Variants in TRMT1L observed in about 807,000 individuals in gnomAD.
The protein encoded by TRMT1L is tRNA (guanine(27)-N(2))-dimethyltransferase.
Under a neutral mutation model 81.6 loss-of-function variants are expected in TRMT1L, and 28 were observed. That is an observed-to-expected ratio of 0.34 (90% confidence interval 0.25 to 0.47). The LOEUF is 0.47. Among genes scored for constraint, TRMT1L ranks in the 20% least tolerant of loss-of-function variants. The probability of loss-of-function intolerance (pLI) is 1.00; values close to 1 mark genes in which losing one functional copy is unlikely to be tolerated. For synonymous variants in TRMT1L, 301 were observed against 303.2 expected (o/e 0.99, Z 0.07); for missense variants, 739 against 877.1 (o/e 0.84, Z 1.99).
At chr1:185,127,862 C>T (rs531137171) in intron 11 of TRMT1L, among the ~76,000 whole-genome samples, 20 of 151,912 alleles carry the variant, frequency 1.3e-4, no homozygotes, top group South Asian at 4.2e-4. Context: ...ACCTGTAATC[C>T]TAGTACTTTG....
chr1:185,139,902 T>A, intron 8 of TRMT1L, 71 bp downstream of exon 8: 1 of 1,499,340 alleles, frequency 6.7e-7, no homozygotes, highest in South Asian at 1.4e-5. Flanking sequence ...CTGTCTTAAT[T>A]TTTAACTACT....
chr1:185,129,178 CTGAT>C lies in TRMT1L; in HGVS notation c.1514-435_1514-432del, dbSNP rs758050984. 3.9e-5 allele frequency among the ~76,000 whole-genome samples: 6 copies of C among 152,074 alleles called. No individual in the cohort carries two copies. In the South Asian group the frequency reaches 6.2e-4, roughly 16 times the overall value. On this transcript the variant is annotated intron_variant, in intron 10 of 14. Coordinates refer to ENST00000367506, the MANE Select transcript of TRMT1L (RefSeq NM_030934.5). ...CAAGAGATCCATATTTCAAAATTAACTGATTAAGGTATAATTTATGTGCAATAAA... is the reference window on the plus strand; with the variant it reads ...CAAGAGATCCATATTTCAAAATTAACTAAGGTATAATTTATGTGCAATAAA...
At chr1:185,137,829 C>A in intron 9 of TRMT1L, 33 bp from the exon 10 acceptor site, 1 of 1,602,352 alleles carries the variant, frequency 6.2e-7, no homozygotes, top group Non-Finnish European at 8.5e-7. Context: ...ATTTTGTGGG[C>A]TTATCATTTT....
intron 1 of TRMT1L, among the ~76,000 whole-genome samples, chr1:185,154,456 A>G (rs1653440748): frequency 1.3e-5 from 2 of 152,200 alleles, no homozygotes; most frequent in African/African-American, 4.8e-5. Flanking sequence ...AACAGGTAAA[A>G]CTTCTTCATG....
chr1:185,144,445 C>T (rs567649989), intron 5 of TRMT1L, among the ~76,000 whole-genome samples: 1 of 152,086 alleles, frequency 6.6e-6, no homozygotes, highest in South Asian at 2.1e-4. Context: ...AAATGAGTAA[C>T]TCCATATGGC....
chr1:185,147,042 T>C (rs1653206111), intron 4 of TRMT1L, 140 bp downstream of exon 4: 1 of 471,744 alleles, frequency 2.1e-6, no homozygotes, highest in Non-Finnish European at 3.7e-6. Context: ...TTTCCCATTA[T>C]GATAATCTGA....
At position 185,138,396 on chromosome 1, in the gene TRMT1L, T is replaced by C. The variant is rs543833993; in HGVS notation, c.1323-600A>G. ...AGTATGTGCAGTTAAGTCCTTAGCA[T>C]GCATACAGTAAACATCAGTTTTCAG... On this transcript the variant is annotated intron_variant, in intron 9 of 14. Transcript: ENST00000367506. 9.8e-5 allele frequency among the ~76,000 whole-genome samples: 15 copies of C among 152,292 alleles called. No individual in the cohort carries two copies. The East Asian group carries it at 2.5e-3, about 25-fold the overall frequency.
chr1:185,131,124 C>T lies in TRMT1L; in HGVS notation c.1514-2377G>A, dbSNP rs531542413. 5.9e-5 allele frequency among the ~76,000 whole-genome samples: 9 copies of T among 152,120 alleles called. No homozygotes were observed. In the South Asian group the frequency reaches 1.0e-3, roughly 18 times the overall value. On this transcript the variant is annotated intron_variant, in intron 10 of 14. Transcript: ENST00000367506. ...ACGCCATTCTCCTGCCTCAGCCTCCCGAGTAGCTGGGACTATTGGTGCCCG... is the reference window on the plus strand; with the variant it reads ...ACGCCATTCTCCTGCCTCAGCCTCCTGAGTAGCTGGGACTATTGGTGCCCG...
At chr1:185,137,909 G>GA in intron 9 of TRMT1L, 113 bp from the exon 10 acceptor site, 1 of 998,756 alleles carries the variant, frequency 1.0e-6, no homozygotes, top group Middle Eastern at 2.2e-4. Flanking sequence ...GGGACATCAA[G>GA]AAAAATTCAA....
chr1:185,153,814 GCTCT>G (rs1653424603), intron 1 of TRMT1L, among the ~76,000 whole-genome samples: 1 of 152,024 alleles, frequency 6.6e-6, no homozygotes, highest in Non-Finnish European at 1.5e-5. Flanking sequence ...AAACCACAGG[GCTCT>G]CTAATATTAT....
intron 10 of TRMT1L, among the ~76,000 whole-genome samples, chr1:185,134,607 T>C (rs1652852500): frequency 6.6e-6 from 1 of 152,252 alleles, no homozygotes; most frequent in Non-Finnish European, 1.5e-5. Context: ...CAAAAATAAA[T>C]CATTGCTTTA....
At position 185,122,865 on chromosome 1, in the gene TRMT1L, C is replaced by T. The variant is rs534503260; in HGVS notation, c.1822+992G>A. Among the ~76,000 whole-genome samples, 27 of 151,486 alleles carry T rather than the reference C, an allele frequency of 1.8e-4. No individual in the cohort carries two copies. In the South Asian group the frequency reaches 4.8e-3, roughly 27 times the overall value. On this transcript the variant is annotated intron_variant, in intron 13 of 14. Coordinates refer to ENST00000367506, the MANE Select transcript of TRMT1L (RefSeq NM_030934.5). ...ACACCTGGCTAATTTTTGTGTTTTTCGTAGAGACGGGGTTTCACCATGTTG... is the reference window on the plus strand; with the variant it reads ...ACACCTGGCTAATTTTTGTGTTTTTTGTAGAGACGGGGTTTCACCATGTTG...
At chr1:185,144,293 A>C (rs905949883) in intron 5 of TRMT1L, among the ~76,000 whole-genome samples, 1 of 152,048 alleles carries the variant, frequency 6.6e-6, no homozygotes, top group Non-Finnish European at 1.5e-5. Flanking sequence ...TACTATCTTG[A>C]CTGTCCAGCA....
chr1:185,127,619 C>T (rs1652662347), intron 11 of TRMT1L, among the ~76,000 whole-genome samples: 1 of 151,756 alleles, frequency 6.6e-6, no homozygotes, highest in South Asian at 2.1e-4. Flanking sequence ...ATTAGCTGGG[C>T]ATGGTGGCAC....
At chr1:185,133,448 C>T (rs1001010035) in intron 10 of TRMT1L, among the ~76,000 whole-genome samples, 8 of 152,030 alleles carry the variant, frequency 5.3e-5, no homozygotes, top group South Asian at 4.1e-4. Context: ...TTGTGTAATA[C>T]CCTCCCCCTG....
chr1:185,149,741 TA>T (rs544813319), intron 3 of TRMT1L, among the ~76,000 whole-genome samples: 163 of 152,330 alleles, frequency 1.1e-3, no homozygotes, highest in South Asian at 2.9e-3. Flanking sequence ...ATAATTCATA[TA>T]ATTCACTTAG....
At chr1:185,141,394 T>A (rs1434403596) in intron 7 of TRMT1L, among the ~76,000 whole-genome samples, 1 of 152,152 alleles carries the variant, frequency 6.6e-6, no homozygotes, top group South Asian at 2.1e-4. Flanking sequence ...TTAGCTTTAA[T>A]GACTTCAGAT....
intron 13 of TRMT1L, chr1:185,120,881 T>A (rs1652484597): frequency 6.4e-6 from 1 of 155,576 alleles, no homozygotes; most frequent in Non-Finnish European, 1.4e-5. Context: ...CCTTAATGTG[T>A]GTAAGTCCTT....
rs1199660302 is a variant in TRMT1L at position 185,150,501 on chromosome 1, G to GA, written c.347-10dup. On this transcript the variant is annotated splice_polypyrimidine_tract_variant and intron_variant, in intron 2 of 14. Coordinates refer to ENST00000367506, the MANE Select transcript of TRMT1L (RefSeq NM_030934.5). Reference sequence around the variant, plus strand: ...ACAAGCCTGTCTGTTGCCTTAAAAAGAAAAAAGAATCAATAAACAACAGAA... The same window carrying GA: ...ACAAGCCTGTCTGTTGCCTTAAAAAGAAAAAAAGAATCAATAAACAACAGAA... 37 of 1,585,888 alleles carry GA rather than the reference G, an allele frequency of 2.3e-5. No homozygotes were observed. Among genetic ancestry groups the GA allele is most frequent in the Non-Finnish European group, 3.0e-5 (35 of 1,156,888 alleles).
Sources: allele counts gnomAD v4.1 joint callset (sites outside exome capture counted in the v4.1 genomes callset), GRCh38; gene constraint gnomAD v4.1.1; transcripts MANE v1.5; gene names NCBI Gene and HGNC (gene_info 2026-07-23, HGNC 2026-07-21).